VWA8: variants seen among roughly 807,000 people sequenced by gnomAD.
VWA8 encodes the protein von Willebrand factor A domain containing 8.
A neutral mutation model predicts 241.5 loss-of-function variants in VWA8; 221 were observed. The observed-to-expected ratio is 0.91, with a 90% CI of 0.82 to 1.02. VWA8 has a LOEUF of 1.02. Ranked by LOEUF, VWA8 falls within the 50% of genes least tolerant of loss-of-function variation. The probability of loss-of-function intolerance (pLI) is 0.00; values close to 1 mark genes in which losing one functional copy is unlikely to be tolerated. For synonymous variants in VWA8, 852 were observed against 827.1 expected (o/e 1.03, Z -0.52); for missense variants, 2,322 against 2,328.7 (o/e 1.00, Z 0.06).
chr13:41,931,572 C>G (rs1406161312), intron 2 of VWA8, among the ~76,000 whole-genome samples: 1 of 151,878 alleles, frequency 6.6e-6, no homozygotes, highest in East Asian at 1.9e-4. Context: ...TTTTTAGCTG[C>G]TTTTGCCAAA....
chr13:41,871,501 T>G (rs901903197), intron 9 of VWA8, among the ~76,000 whole-genome samples: 2 of 152,158 alleles, frequency 1.3e-5, no homozygotes, highest in African/African-American at 4.8e-5. Flanking sequence ...TTCCCCTTCC[T>G]GTGTCCATGT....
intron 37 of VWA8, among the ~76,000 whole-genome samples, chr13:41,643,333 T>C (rs2044809115): frequency 6.6e-6 from 1 of 152,218 alleles, no homozygotes; most frequent in African/African-American, 2.4e-5. Flanking sequence ...ACTTTTCCGA[T>C]CTGGACTCCC....
chr13:41,857,671 T>C (rs918829237), intron 12 of VWA8, among the ~76,000 whole-genome samples: 2 of 152,184 alleles, frequency 1.3e-5, no homozygotes, highest in Non-Finnish European at 2.9e-5. Flanking sequence ...TCTCCCACTA[T>C]ATAGGCAAGG....
chr13:41,731,702 G>A (rs958331723), intron 22 of VWA8, among the ~76,000 whole-genome samples: 1 of 152,124 alleles, frequency 6.6e-6, no homozygotes, highest in African/African-American at 2.4e-5. Context: ...GGGACCCAGT[G>A]GGAGGGACCC....
intron 37 of VWA8, among the ~76,000 whole-genome samples, chr13:41,665,649 C>T (rs1593683666): frequency 6.6e-6 from 1 of 151,978 alleles, no homozygotes; most frequent in Non-Finnish European, 1.5e-5. Flanking sequence ...GAGTCATTGA[C>T]TGTCAACCTA....
rs181104836 is a variant in VWA8 at position 41,898,131 on chromosome 13, A to G, written c.484-6544T>C. Among the ~76,000 whole-genome samples the G allele has an allele frequency of 2.3e-3, 347 of 151,786 alleles. 1 individual carries two copies. The highest frequency in any genetic ancestry group is 8.0e-3 in the African/African-American group (330 of 41,336). On this transcript the variant is annotated intron_variant, in intron 4 of 44. Transcript: ENST00000379310. Reference sequence around the variant, plus strand: ...ACACAGGGTGCTGATTGGTGTGTTTACAAACCTTGAGGTAGATACTGAGTG... The same window carrying G: ...ACACAGGGTGCTGATTGGTGTGTTTGCAAACCTTGAGGTAGATACTGAGTG...
intron 2 of VWA8, among the ~76,000 whole-genome samples, chr13:41,941,135 T>C (rs901716993): frequency 6.6e-6 from 1 of 152,208 alleles, no homozygotes; most frequent in African/African-American, 2.4e-5. Context: ...ACTGTATTGC[T>C]CCTCAGTCAT....
chr13:41,644,324 C>T (rs1378134720), intron 37 of VWA8, among the ~76,000 whole-genome samples: 2 of 151,746 alleles, frequency 1.3e-5, no homozygotes, highest in East Asian at 3.9e-4. Flanking sequence ...TGCCCATATG[C>T]ACTTCTCTAG....
intron 38 of VWA8, 24 bp downstream of exon 38, chr13:41,614,952 C>A (rs2044611512): frequency 6.2e-7 from 1 of 1,611,520 alleles, no homozygotes; most frequent in Non-Finnish European, 8.5e-7. Context: ...AAGGCTGACT[C>A]AGGAGAATGC....
intron 39 of VWA8, among the ~76,000 whole-genome samples, chr13:41,605,557 G>A (rs2044548509): frequency 6.6e-6 from 1 of 152,114 alleles, no homozygotes; most frequent in Non-Finnish European, 1.5e-5. Context: ...ACCATGATCA[G>A]TTACAAGCTA....
intron 26 of VWA8, among the ~76,000 whole-genome samples, chr13:41,704,462 ACTT>A (rs1566421943): frequency 1.3e-5 from 2 of 149,204 alleles, no homozygotes; most frequent in South Asian, 2.1e-4. Flanking sequence ...TTAAGTCTTC[ACTT>A]TTTTTTTTTT....
intron 12 of VWA8, among the ~76,000 whole-genome samples, chr13:41,859,106 T>C (rs546579796): frequency 7.1e-6 from 1 of 140,082 alleles, no homozygotes; most frequent in South Asian, 2.3e-4. Flanking sequence ...AAAGTCAGCG[T>C]CAAAAAAAAA....
intron 17 of VWA8, among the ~76,000 whole-genome samples, chr13:41,798,746 C>A (rs1869817609): frequency 1.3e-5 from 2 of 152,054 alleles, no homozygotes; most frequent in Admixed American, 1.3e-4. Flanking sequence ...TCTCTTTATT[C>A]TCTCCTCTTA....
intron 12 of VWA8, among the ~76,000 whole-genome samples, chr13:41,849,518 T>C (rs1343407000): frequency 6.6e-6 from 1 of 152,204 alleles, no homozygotes; most frequent in Non-Finnish European, 1.5e-5. Flanking sequence ...TGGTCTTCAA[T>C]GACTATAAAA....
intron 1 of VWA8, among the ~76,000 whole-genome samples, chr13:41,959,606 C>CTT (rs1168629617): frequency 1.6e-4 from 13 of 79,630 alleles, no homozygotes; most frequent in South Asian, 5.9e-4. Context: ...CCTAAATATG[C>CTT]TTTTTTTTTT....
chr13:41,758,673 T>C (rs745416619), intron 21 of VWA8, among the ~76,000 whole-genome samples: 5 of 150,830 alleles, frequency 3.3e-5, no homozygotes, highest in Non-Finnish European at 7.4e-5. Context: ...ATGCCATTTA[T>C]TAAGTTTTCT....
intron 5 of VWA8, among the ~76,000 whole-genome samples, chr13:41,889,885 C>T (rs1465386736): frequency 6.6e-6 from 1 of 152,072 alleles, no homozygotes; most frequent in East Asian, 1.9e-4. Flanking sequence ...TCTCTAGTGG[C>T]AAGTAGTTAT....
intron 26 of VWA8, among the ~76,000 whole-genome samples, chr13:41,714,791 T>G (rs2045338234): frequency 6.6e-6 from 1 of 151,924 alleles, no homozygotes; most frequent in Non-Finnish European, 1.5e-5. Flanking sequence ...ATGGCTAAAA[T>G]CCAAGCATCT....
intron 4 of VWA8, among the ~76,000 whole-genome samples, chr13:41,895,452 C>T (rs370528626): frequency 2.6e-5 from 4 of 152,064 alleles, no homozygotes; most frequent in African/African-American, 4.8e-5. Context: ...TGCAGAGAAA[C>T]GAAACCAAAC....
Sources: gnomAD v4.1 joint callset for allele counts (sites outside exome capture counted in the v4.1 genomes callset) on GRCh38, gnomAD v4.1.1 for gene constraint, MANE v1.5 for transcripts, NCBI Gene and HGNC (gene_info 2026-07-23, HGNC 2026-07-21) for gene names.